CCDC7: variants seen among roughly 807,000 people sequenced by gnomAD.
CCDC7 encodes the protein coiled-coil domain containing 7.
CCDC7 carries 183 observed loss-of-function variants against 196.9 expected under a neutral mutation model. That is an observed-to-expected ratio of 0.93 (90% CI 0.82 to 1.05). CCDC7 has a LOEUF of 1.05. Among genes scored for constraint, CCDC7 ranks in the 50% least tolerant of loss-of-function variants. CCDC7 has a pLI of 0.00. For missense variants in CCDC7, 1,540 were observed against 1,482.2 expected, an observed-to-expected ratio of 1.04 and a Z score of -0.64; for synonymous variants, 525 against 484.6, an observed-to-expected ratio of 1.08 and a Z score of -1.10.
chr10:32,718,184 C>T (rs1375016365), intron 25 of CCDC7, among the ~76,000 whole-genome samples: 2 of 152,142 alleles, frequency 1.3e-5, no homozygotes, highest in African/African-American at 4.8e-5. Context: ...GCTTATCCAC[C>T]ACGATCAGGT....
intron 23 of CCDC7, 49 bp downstream of exon 24, chr10:32,689,212 A>T (rs2076799306): frequency 8.4e-7 from 1 of 1,188,986 alleles, no homozygotes; most frequent in Non-Finnish European, 1.2e-6. Context: ...AAGTAAGTTC[A>T]TCCGAAGGTA....
At chr10:32,848,777 A>G in intron 39 of CCDC7, 59 bp downstream of exon 40, 1 of 1,283,308 alleles carries the variant, frequency 7.8e-7, no homozygotes, top group Non-Finnish European at 1.1e-6. Context: ...ATAGTTTTAA[A>G]GTATGCTTTT....
chr10:32,573,089 G>A, intron 16 of CCDC7, among the ~76,000 whole-genome samples: 1 of 151,792 alleles, frequency 6.6e-6, no homozygotes, highest in East Asian at 1.9e-4. Flanking sequence ...TGTTGGCCAG[G>A]CTGGTCTCAA....
At chr10:32,771,149 T>C (rs1194778055) in intron 28 of CCDC7, among the ~76,000 whole-genome samples, 2 of 152,182 alleles carry the variant, frequency 1.3e-5, no homozygotes, top group Non-Finnish European at 2.9e-5. Flanking sequence ...TTAAATTGTG[T>C]TTTTATTTTA....
intron 28 of CCDC7, 89 bp downstream of exon 29, chr10:32,729,546 T>C (rs1565316476): frequency 1.8e-6 from 1 of 546,988 alleles, no homozygotes; most frequent in Admixed American, 3.9e-5. Context: ...TTCAACCATA[T>C]GCTTCTTCTG....
At chr10:32,809,237 A>G (rs2086535055) in intron 30 of CCDC7, among the ~76,000 whole-genome samples, 1 of 152,204 alleles carries the variant, frequency 6.6e-6, no homozygotes, top group Non-Finnish European at 1.5e-5. Context: ...CCAGTGAAAA[A>G]GAAATTAATG....
upstream of CCDC7, among the ~76,000 whole-genome samples, chr10:32,446,908 C>CCTG (rs1564594157): frequency 4.3e-5 from 3 of 69,022 alleles, no homozygotes; most frequent in East Asian, 6.8e-4. Flanking sequence ...CTGCCTGCCT[C>CCTG]CCTCCCTCCC....
chr10:32,673,038 C>A lies in CCDC7; in HGVS notation c.2122+8877C>A, dbSNP rs150201182. Among the ~76,000 whole-genome samples, 38 of 152,212 alleles carry A rather than the reference C, an allele frequency of 2.5e-4. No homozygotes were observed. The East Asian group carries it at 7.4e-3, about 29-fold the overall frequency. ...ATGTGGATACTCTGTTTCCCCAATG[C>A]TATTGAGGAGACTATGCTTTCCCTT... On this transcript the variant is annotated intron_variant, in intron 21 of 41. Coordinates refer to ENST00000639629, the Ensembl canonical transcript of CCDC7.
At chr10:32,693,064 C>T (rs2077273891) in intron 23 of CCDC7, among the ~76,000 whole-genome samples, 1 of 152,202 alleles carries the variant, frequency 6.6e-6, no homozygotes, top group Non-Finnish European at 1.5e-5. Flanking sequence ...TTACACTCCA[C>T]CTCCACCTCT....
chr10:32,627,458 A>G (rs1325710392), intron 18 of CCDC7, among the ~76,000 whole-genome samples: 1 of 151,920 alleles, frequency 6.6e-6, no homozygotes, highest in African/African-American at 2.4e-5. Context: ...TTAGCAAACA[A>G]TGATAATTTT....
At chr10:32,614,498 G>T (rs2062561373) in intron 18 of CCDC7, among the ~76,000 whole-genome samples, 1 of 151,956 alleles carries the variant, frequency 6.6e-6, no homozygotes, top group African/African-American at 2.4e-5. Flanking sequence ...GAAGCCAGCT[G>T]GTTATTTTGC....
intron 18 of CCDC7, among the ~76,000 whole-genome samples, chr10:32,632,154 C>G (rs967772279): frequency 1.7e-5 from 2 of 115,762 alleles, no homozygotes; most frequent in Non-Finnish European, 3.5e-5. Flanking sequence ...GGGGGGGGGT[C>G]TAATTTCTCT....
At chr10:32,483,404 C>A (rs575048326) in intron 8 of CCDC7, among the ~76,000 whole-genome samples, 2 of 152,240 alleles carry the variant, frequency 1.3e-5, no homozygotes, top group South Asian at 4.1e-4. Context: ...AGCCCTTTGT[C>A]AGATGAGTAG....
chr10:32,670,782 T>C (rs1386630317), intron 21 of CCDC7, among the ~76,000 whole-genome samples: 6 of 152,078 alleles, frequency 3.9e-5, no homozygotes, highest in Admixed American at 2.6e-4. Context: ...TTTTCTCCCT[T>C]CTATTGTTTT....
At chr10:32,593,309 G>T (rs1355863587) in intron 18 of CCDC7, among the ~76,000 whole-genome samples, 1 of 152,154 alleles carries the variant, frequency 6.6e-6, no homozygotes, top group Admixed American at 6.5e-5. Flanking sequence ...GTGATGATGA[G>T]CATTTTTTCT....
chr10:32,563,598 T>C lies in CCDC7; in HGVS notation c.1135-1960T>C, dbSNP rs537673786. Among the ~76,000 whole-genome samples the C allele has an allele frequency of 2.0e-5, 3 of 152,314 alleles. No homozygotes were observed. The East Asian group carries it at 5.8e-4, about 29-fold the overall frequency. Reference sequence around the variant, plus strand: ...GTGCTGGGAATACTGGCCAGCCATATGTAGAAAGCTGAAACTGGATCCCTT... The same window carrying C: ...GTGCTGGGAATACTGGCCAGCCATACGTAGAAAGCTGAAACTGGATCCCTT... On this transcript the variant is annotated intron_variant, in intron 13 of 41. Coordinates refer to ENST00000639629, the Ensembl canonical transcript of CCDC7.
chr10:32,725,533 G>A (rs1161084216), intron 25 of CCDC7, among the ~76,000 whole-genome samples: 1 of 151,926 alleles, frequency 6.6e-6, no homozygotes, highest in Non-Finnish European at 1.5e-5. Context: ...CATGCATTTT[G>A]TATTGCTGTG....
At chr10:32,723,822 T>C (rs996100892) in intron 25 of CCDC7, among the ~76,000 whole-genome samples, 6 of 152,060 alleles carry the variant, frequency 3.9e-5, no homozygotes. Context: ...TCTACATTCT[T>C]TTCCATTTTA....
chr10:32,691,310 C>G (rs992052396), intron 23 of CCDC7, among the ~76,000 whole-genome samples: 1 of 152,024 alleles, frequency 6.6e-6, no homozygotes, highest in Non-Finnish European at 1.5e-5. Context: ...ACTACCTGGC[C>G]AGGAGGTTCT....
Sources: allele counts gnomAD v4.1 joint callset (sites outside exome capture counted in the v4.1 genomes callset), GRCh38; gene constraint gnomAD v4.1.1; transcripts MANE v1.5; gene names NCBI Gene and HGNC (gene_info 2026-07-23, HGNC 2026-07-21).